DYM: variants seen among roughly 807,000 people sequenced by gnomAD.
The protein encoded by DYM is dymeclin.
A neutral mutation model predicts 93.1 loss-of-function variants in DYM; 78 were observed. The observed-to-expected ratio is 0.84, with a 90% CI of 0.70 to 1.01. The LOEUF is 1.01. Among genes scored for constraint, DYM ranks in the 50% least tolerant of loss-of-function variants. The pLI, the probability that DYM is intolerant of heterozygous loss-of-function variation, is 0.00. For synonymous variants in DYM, 321 were observed against 319.7 expected (o/e 1.00, Z -0.04); for missense variants, 789 against 845.0 (o/e 0.93, Z 0.82).
intron 8 of DYM, among the ~76,000 whole-genome samples, chr18:49,317,674 TTCCTTCCTTC>T (rs2062109320): frequency 8.0e-6 from 1 of 125,486 alleles, no homozygotes; most frequent in African/African-American, 3.0e-5. Flanking sequence ...CCTTCCTTCC[TTCCTTCCTTC>T]CTTCCTTTCT....
At chr18:49,112,992 C>T (rs974198767) in intron 16 of DYM, among the ~76,000 whole-genome samples, 1 of 152,100 alleles carries the variant, frequency 6.6e-6, no homozygotes, top group Non-Finnish European at 1.5e-5. Context: ...TCCTTTCTTA[C>T]TCTTTTTTTT....
At chr18:49,225,960 C>T (rs565902395) in intron 13 of DYM, among the ~76,000 whole-genome samples, 14 of 152,146 alleles carry the variant, frequency 9.2e-5, no homozygotes, top group African/African-American at 3.4e-4. Context: ...CAGGAAAAAT[C>T]ATATTATCTC....
chr18:49,430,164 C>A, intron 2 of DYM, 91 bp downstream of exon 2: 1 of 1,203,784 alleles, frequency 8.3e-7, no homozygotes. Context: ...GATAGATAGA[C>A]AGAACATTTC....
At chr18:49,453,827 G>T (rs1008861926) in intron 1 of DYM, among the ~76,000 whole-genome samples, 1 of 152,152 alleles carries the variant, frequency 6.6e-6, no homozygotes, top group Non-Finnish European at 1.5e-5. Flanking sequence ...TGCAAAGAAG[G>T]TTATAAAGGA....
chr18:49,265,780 A>T (rs76402580), intron 11 of DYM, among the ~76,000 whole-genome samples: 1 of 147,652 alleles, frequency 6.8e-6, no homozygotes, highest in African/African-American at 2.5e-5. Flanking sequence ...CTCCATCTCA[A>T]AAAAAAAAAA....
At chr18:49,107,550 G>A (rs192092372) in intron 16 of DYM, among the ~76,000 whole-genome samples, 1 of 152,172 alleles carries the variant, frequency 6.6e-6, no homozygotes, top group East Asian at 1.9e-4. Flanking sequence ...TCTACCTTTG[G>A]TCTTTGATGA....
At chr18:49,186,852 A>C (rs1370610384) in intron 14 of DYM, among the ~76,000 whole-genome samples, 1 of 152,130 alleles carries the variant, frequency 6.6e-6, no homozygotes, top group African/African-American at 2.4e-5. Context: ...ACATAGGGAC[A>C]AACGCTCAGT....
chr18:49,419,726 A>G (rs904830321), intron 2 of DYM, among the ~76,000 whole-genome samples: 3 of 152,222 alleles, frequency 2.0e-5, no homozygotes, highest in African/African-American at 7.2e-5. Flanking sequence ...CAATTTGAAA[A>G]GAAGTGACAT....
intron 8 of DYM, among the ~76,000 whole-genome samples, chr18:49,327,295 G>T (rs949106932): frequency 6.6e-6 from 1 of 151,938 alleles, no homozygotes; most frequent in Non-Finnish European, 1.5e-5. Flanking sequence ...TTGAGCAGGG[G>T]TTGTGGGTAG....
chr18:49,099,267 T>C (rs1312830684), intron 16 of DYM, among the ~76,000 whole-genome samples: 2 of 152,182 alleles, frequency 1.3e-5, no homozygotes, highest in African/African-American at 4.8e-5. Flanking sequence ...GTTTTGTTTA[T>C]AGCAGTAGAT....
chr18:49,216,242 A>G (rs564214109), intron 13 of DYM, among the ~76,000 whole-genome samples: 2 of 152,338 alleles, frequency 1.3e-5, no homozygotes, highest in Non-Finnish European at 2.9e-5. Context: ...TAAATAAAGC[A>G]GCCGGGAAGC....
At chr18:49,423,617 T>C (rs1022006362) in intron 2 of DYM, among the ~76,000 whole-genome samples, 4 of 152,164 alleles carry the variant, frequency 2.6e-5, no homozygotes, top group Non-Finnish European at 4.4e-5. Context: ...GCTGGTTTTT[T>C]TGAAAAGATC....
intron 16 of DYM, among the ~76,000 whole-genome samples, chr18:49,108,974 A>G (rs891860364): frequency 2.6e-5 from 4 of 151,534 alleles, no homozygotes; most frequent in African/African-American, 9.7e-5. Context: ...TATCCCTGGT[A>G]ATGCTCCCTG....
chr18:49,113,069 T>C (rs1487303294), intron 16 of DYM, among the ~76,000 whole-genome samples: 1 of 152,162 alleles, frequency 6.6e-6, no homozygotes, highest in Non-Finnish European at 1.5e-5. Context: ...GAAGAAAATA[T>C]TTTATATTGC....
intron 14 of DYM, among the ~76,000 whole-genome samples, chr18:49,197,344 A>G (rs2145815570): frequency 6.6e-6 from 1 of 152,308 alleles, no homozygotes; most frequent in Non-Finnish European, 1.5e-5. Context: ...ACCAAAAAGC[A>G]TAAAAAAAAT....
At chr18:49,367,680 TAA>T (rs1280532658) in intron 5 of DYM, among the ~76,000 whole-genome samples, 1 of 152,220 alleles carries the variant, frequency 6.6e-6, no homozygotes, top group African/African-American at 2.4e-5. Flanking sequence ...AAAGAAATGT[TAA>T]AAGACAGAGT....
chr18:49,202,228 G>C (rs1450061863), intron 14 of DYM, among the ~76,000 whole-genome samples: 1 of 152,224 alleles, frequency 6.6e-6, no homozygotes, highest in African/African-American at 2.4e-5. Flanking sequence ...TATCTGAAAT[G>C]CAGAGCTTGT....
At chr18:49,442,416 T>A (rs1356762626) in intron 1 of DYM, among the ~76,000 whole-genome samples, 2 of 151,752 alleles carry the variant, frequency 1.3e-5, no homozygotes, top group African/African-American at 2.4e-5. Context: ...CCAGACATGG[T>A]GGTGCACGCC....
chr18:49,051,936 G>A (rs991951718), intron 17 of DYM, among the ~76,000 whole-genome samples: 1 of 152,224 alleles, frequency 6.6e-6, no homozygotes. Context: ...AGACAGCACT[G>A]CGCATTCCCC....
Sources: gnomAD v4.1 joint callset for allele counts (sites outside exome capture counted in the v4.1 genomes callset) on GRCh38, gnomAD v4.1.1 for gene constraint, MANE v1.5 for transcripts, NCBI Gene and HGNC (gene_info 2026-07-23, HGNC 2026-07-21) for gene names.